Variants in FGD4 observed in about 807,000 individuals in gnomAD.
FGD4 encodes FYVE, RhoGEF and PH domain containing 4.
FGD4 carries 42 observed loss-of-function variants against 102.0 expected under a neutral mutation model. The ratio of observed to expected loss-of-function variants is 0.41; its 90% CI spans 0.32 to 0.53. The LOEUF (loss-of-function observed/expected upper bound fraction) is 0.53. FGD4 is among the 20% of genes least tolerant of loss of function. The probability of loss-of-function intolerance (pLI) is 0.21; values close to 1 mark genes in which losing one functional copy is unlikely to be tolerated. For synonymous variants in FGD4, 380 were observed against 375.7 expected (o/e 1.01, Z -0.13); for missense variants, 902 against 1,078.2 (o/e 0.84, Z 2.29).
intron 3 of FGD4, chr12:32,579,587 T>C (rs1349983637): frequency 6.6e-6 from 1 of 152,210 alleles, no homozygotes; most frequent in Non-Finnish European, 1.5e-5. Context: ...CATGCTTAAA[T>C]TTGTTTCAGA....
At chr12:32,625,246 A>G (rs1021041686) in intron 13 of FGD4, among the ~76,000 whole-genome samples, 178 bp downstream of exon 13, 2 of 149,834 alleles carry the variant, frequency 1.3e-5, no homozygotes, top group Non-Finnish European at 3.0e-5. Flanking sequence ...ATTCTACTTG[A>G]ACTTCTTTGA....
intron 2 of FGD4, among the ~76,000 whole-genome samples, chr12:32,575,946 G>T (rs1015467350): frequency 6.6e-6 from 1 of 152,166 alleles, no homozygotes; most frequent in Non-Finnish European, 1.5e-5. Context: ...CTGTTGAGAT[G>T]AATAACTGCT....
intron 4 of FGD4, among the ~76,000 whole-genome samples, chr12:32,586,185 T>C (rs970200009): frequency 2.0e-5 from 3 of 152,168 alleles, no homozygotes; most frequent in Non-Finnish European, 4.4e-5. Context: ...ATATACATAT[T>C]TTTTTCCTGA....
At chr12:32,485,657 G>T (rs1197104464) in intron 1 of FGD4, among the ~76,000 whole-genome samples, 1 of 151,834 alleles carries the variant, frequency 6.6e-6, no homozygotes. Context: ...TGTTAGCCAG[G>T]ATGGTCTCGA....
intron 1 of FGD4, among the ~76,000 whole-genome samples, chr12:32,563,186 C>T (rs543860423): frequency 1.3e-5 from 2 of 151,144 alleles, no homozygotes; most frequent in African/African-American, 2.4e-5. Flanking sequence ...CGGGCGGAGA[C>T]GCTCCTCACT....
chr12:32,610,827 G>A lies in FGD4; in HGVS notation c.1595G>A (p.Arg532Lys). ...GCAAGCCATTCTAATAGTGCAATAA[G>A]GAAAATGGTAAGTGGTTTTCGGAGG... The part of the protein sequence containing the change: ...TAASHSNSAI[R>K]KMENLKKLLE... Residue 532 changes from arginine to lysine, a missense_variant, in exon 9 of 17, where the codon AGG (arginine) becomes AAG (lysine). By Grantham distance (26) the Arg-to-Lys change is conservative. Around this residue, in one of 2 missense-constraint regions of FGD4, gnomAD observed 459 missense variants for 619.0 expected, o/e 0.74. Transcript: ENST00000534526. The A allele has an allele frequency of 6.2e-7, 1 of 1,613,642 alleles. No individual in the cohort carries two copies. Among genetic ancestry groups the A allele is most frequent in the Non-Finnish European group, 8.5e-7 (1 of 1,179,842 alleles).
rs1372329261 is a variant in FGD4, at chr12:32,520,439, TG to T, written c.167-43697del. On this transcript the variant is annotated intron_variant, in intron 1 of 16. Transcript: ENST00000534526. The stretch of plus-strand genomic sequence containing the variant: ...TTCTATTGTGGGTTTTTTTGTTTTT[TG>T]TTTTTTTTTTTTAGAGATGGAGTCT... 4.4e-3 allele frequency among the ~76,000 whole-genome samples: 487 copies of T among 110,434 alleles called. 1 individual carries two copies. The highest frequency in any genetic ancestry group is 0.013 in the Middle Eastern group (2 of 154). The allele number at this position is 110,434 out of a possible 152,430, so 72.4% of individuals were successfully genotyped here.
chr12:32,596,169 G>C lies in FGD4; in HGVS notation c.1012-2328G>C, dbSNP rs77258506. Among the ~76,000 whole-genome samples the C allele has an allele frequency of 7.4e-3, 1,134 of 152,284 alleles. 13 individuals carry two copies. Among genetic ancestry groups the C allele is most frequent in the African/African-American group, 0.026 (1,076 of 41,568 alleles). ...ATTTCAGCAAAGTACTAGATAGAAA[G>C]TTTTCAATACAAAGATTTGCATATG... On this transcript the variant is annotated intron_variant, in intron 4 of 16. Transcript: ENST00000534526.
At chr12:32,524,283 C>T (rs1327785495) in intron 1 of FGD4, among the ~76,000 whole-genome samples, 12 of 150,046 alleles carry the variant, frequency 8.0e-5, no homozygotes, top group Admixed American at 6.7e-4. Context: ...GTAGTCCCAG[C>T]TACTCGGGAG....
intron 4 of FGD4, among the ~76,000 whole-genome samples, chr12:32,592,525 A>C (rs1191022824): frequency 6.6e-6 from 1 of 152,140 alleles, no homozygotes; most frequent in Non-Finnish European, 1.5e-5. Context: ...AGCGCTAAGC[A>C]CAAGTAGTGG....
chr12:32,517,478 T>C (rs1272463820), intron 1 of FGD4, among the ~76,000 whole-genome samples: 1 of 152,226 alleles, frequency 6.6e-6, no homozygotes, highest in Non-Finnish European at 1.5e-5. Context: ...TATCATTACT[T>C]TTACATTAGA....
At chr12:32,471,623 TTTA>T (rs1156676455) in intron 1 of FGD4, among the ~76,000 whole-genome samples, 3 of 152,148 alleles carry the variant, frequency 2.0e-5, no homozygotes, top group African/African-American at 7.2e-5. Flanking sequence ...CAATTAGTGA[TTTA>T]TTATGTCTCA....
chr12:32,469,339 C>T (rs970919587), intron 1 of FGD4, among the ~76,000 whole-genome samples: 6 of 151,930 alleles, frequency 3.9e-5, no homozygotes, highest in South Asian at 2.1e-4. Context: ...AGTGCAGTGG[C>T]GCAATCTCGG....
chr12:32,485,620 AT>A (rs1943875183), intron 1 of FGD4, among the ~76,000 whole-genome samples: 1 of 149,374 alleles, frequency 6.7e-6, no homozygotes, highest in African/African-American at 2.5e-5. Flanking sequence ...TTTTTTTTGT[AT>A]TTTCAGTAGA....
chr12:32,564,566 G>GATC (rs1348296424), intron 2 of FGD4, among the ~76,000 whole-genome samples: 1 of 152,172 alleles, frequency 6.6e-6, no homozygotes, highest in Non-Finnish European at 1.5e-5. Context: ...TATTATGCCT[G>GATC]ATCTAGTACA....
chr12:32,572,044 G>GA (rs1209259684), intron 2 of FGD4, among the ~76,000 whole-genome samples: 1 of 152,002 alleles, frequency 6.6e-6, no homozygotes, highest in Non-Finnish European at 1.5e-5. Flanking sequence ...CAGCCTGTGT[G>GA]ACAGAGCAAG....
At chr12:32,528,300 C>T (rs1941462516) in intron 1 of FGD4, among the ~76,000 whole-genome samples, 2 of 152,190 alleles carry the variant, frequency 1.3e-5, no homozygotes, top group Admixed American at 1.3e-4. Flanking sequence ...GGATTGGTTC[C>T]AGGACCATCA....
In FGD4 at chr12:32,564,014, GGGGAGAGGGAGAGGGAGGGGGAGGGGGA is replaced by G. The variant is rs1396884110; in HGVS notation, c.167-111_167-84del. 7.6e-5 allele frequency: 68 copies of G among 898,754 alleles called. No individual in the cohort carries two copies. In the East Asian group the frequency reaches 1.7e-3, roughly 23 times the overall value. 55.7% of individuals were successfully genotyped at this position (898,754 alleles called of 1,614,324 possible). A position where few individuals can be genotyped will look rare whatever the true frequency, so the allele number is the denominator to read the frequency against. On this transcript the variant is annotated intron_variant, in intron 1 of 16. Transcript: ENST00000534526. ...TGGAAAGAGAGGGAGACCGTGGAAA[GGGGAGAGGGAGAGGGAGGGGGAGGGGGA>G]GGGAGAGGGAGTGGGAGAGGGGAAA...
chr12:32,467,340 T>C (rs1364465358), intron 1 of FGD4, among the ~76,000 whole-genome samples: 5 of 152,208 alleles, frequency 3.3e-5, no homozygotes, highest in Non-Finnish European at 7.3e-5. Context: ...GGAGAGTGGC[T>C]TGTGGGACCT....
Sources: gnomAD v4.1 joint callset for allele counts (sites outside exome capture counted in the v4.1 genomes callset) on GRCh38, gnomAD v4.1.1 for gene constraint, gnomAD v4.1.1 regional missense constraint, MANE v1.5 for transcripts, NCBI Gene and HGNC (gene_info 2026-07-23, HGNC 2026-07-21) for gene names.